Variants in SYT16 observed in about 807,000 individuals in gnomAD.
The protein encoded by SYT16 is synaptotagmin-16.
A neutral mutation model predicts 61.4 loss-of-function variants in SYT16; 42 were observed. The observed-to-expected ratio is 0.68, with a 90% CI of 0.53 to 0.89. SYT16 has a LOEUF of 0.89. SYT16 is among the 40% of genes least tolerant of loss of function. The pLI is 0.00. For missense variants in SYT16, 804 were observed against 807.3 expected (o/e 1.00, Z 0.05); for synonymous variants, 314 against 302.3 (o/e 1.04, Z -0.40).
chr14:61,908,036 A>C (rs756119726), intron 1 of SYT16, among the ~76,000 whole-genome samples: 5 of 152,242 alleles, frequency 3.3e-5, no homozygotes, highest in Non-Finnish European at 7.3e-5. Flanking sequence ...CCTGTTGATC[A>C]TTTAATACTA....
At chr14:61,831,726 CT>C (rs372648820) in intron 1 of SYT16, 2,523 of 157,818 alleles carry the variant, frequency 0.016, 30 homozygotes, top group African/African-American at 0.043. Flanking sequence ...TTCAGTAGTT[CT>C]TTTTTTTTTT....
intron 1 of SYT16, among the ~76,000 whole-genome samples, chr14:61,936,957 CA>C (rs1292564200): frequency 5.3e-5 from 8 of 152,212 alleles, no homozygotes; most frequent in Non-Finnish European, 1.2e-4. Flanking sequence ...AAATTGTTCT[CA>C]TTGGTGAATT....
At chr14:61,961,420 C>G (rs773709787) in intron 1 of SYT16, among the ~76,000 whole-genome samples, 1 of 152,024 alleles carries the variant, frequency 6.6e-6, no homozygotes, top group Non-Finnish European at 1.5e-5. Context: ...AAAAAACTTA[C>G]AAGCAAAAAT....
intron 1 of SYT16, among the ~76,000 whole-genome samples, chr14:61,848,659 G>A (rs369234996): frequency 6.6e-6 from 1 of 152,120 alleles, no homozygotes; most frequent in African/African-American, 2.4e-5. Flanking sequence ...CTTCTCTTCA[G>A]TGCGCTGAGT....
chr14:61,869,222 A>G (rs773679813), intron 1 of SYT16, among the ~76,000 whole-genome samples: 39 of 151,864 alleles, frequency 2.6e-4, no homozygotes, highest in Non-Finnish European at 5.4e-4. Flanking sequence ...CCTTTTATCC[A>G]ATTTTATAGT....
intron 1 of SYT16, among the ~76,000 whole-genome samples, chr14:61,868,554 C>A (rs2047232195): frequency 6.6e-6 from 1 of 151,766 alleles, no homozygotes; most frequent in African/African-American, 2.4e-5. Flanking sequence ...CTTTTGACTT[C>A]TTTTAATCAT....
intron 1 of SYT16, among the ~76,000 whole-genome samples, chr14:61,892,347 A>C (rs1249629763): frequency 1.3e-5 from 2 of 151,210 alleles, no homozygotes; most frequent in South Asian, 4.2e-4. Flanking sequence ...CCTCTCCTTC[A>C]CACCTCATGC....
intron 3 of SYT16, among the ~76,000 whole-genome samples, chr14:62,043,118 A>G (rs936539293): frequency 1.4e-5 from 2 of 143,818 alleles, no homozygotes; most frequent in Non-Finnish European, 3.0e-5. Context: ...TTTTTTTTAC[A>G]TAGAAAGTTC....
chr14:62,063,476 G>A, intron 3 of SYT16, among the ~76,000 whole-genome samples: 1 of 152,172 alleles, frequency 6.6e-6, no homozygotes, highest in African/African-American at 2.4e-5. Flanking sequence ...ATATCAAAAT[G>A]AGGACACTGA....
chr14:61,820,754 C>T (rs1825635632), intron 1 of SYT16, among the ~76,000 whole-genome samples: 1 of 152,044 alleles, frequency 6.6e-6, no homozygotes, highest in Non-Finnish European at 1.5e-5. Context: ...GTTGAATGCC[C>T]TCCTGGCTCT....
At chr14:61,872,984 T>TG (rs2047377321) in intron 1 of SYT16, among the ~76,000 whole-genome samples, 6 of 152,246 alleles carry the variant, frequency 3.9e-5, no homozygotes, top group Admixed American at 3.9e-4. Context: ...ATTAAAACGT[T>TG]GTATTCATAG....
chr14:61,888,868 G>A (rs1348757833), intron 1 of SYT16, among the ~76,000 whole-genome samples: 1 of 151,708 alleles, frequency 6.6e-6, no homozygotes, highest in Non-Finnish European at 1.5e-5. Flanking sequence ...ACAATGATGA[G>A]GATAAAACTA....
intron 1 of SYT16, among the ~76,000 whole-genome samples, chr14:61,921,759 C>T (rs1477043518): frequency 6.6e-6 from 1 of 152,164 alleles, no homozygotes; most frequent in Non-Finnish European, 1.5e-5. Context: ...ATGGAGAACC[C>T]AGCAAGAGAG....
At chr14:61,840,989 T>C (rs1171271286) in intron 1 of SYT16, among the ~76,000 whole-genome samples, 1 of 151,980 alleles carries the variant, frequency 6.6e-6, no homozygotes, top group Non-Finnish European at 1.5e-5. Context: ...GTCACCCAAG[T>C]GAGGGGAAGG....
rs1220435105 is a variant in SYT16, at chr14:62,040,145, C to T, written c.524-29458C>T. Reference sequence around the variant, plus strand: ...CACCACAGCTGCAGGAATGGGGAAGCTTGCTCATAATATTTCCAGCAAAGT... The same window carrying T: ...CACCACAGCTGCAGGAATGGGGAAGTTTGCTCATAATATTTCCAGCAAAGT... On this transcript the variant is annotated intron_variant, in intron 3 of 7. Transcript: ENST00000683842. 2.0e-5 allele frequency among the ~76,000 whole-genome samples: 3 copies of T among 152,122 alleles called. No individual in the cohort carries two copies. In the East Asian group the frequency reaches 5.8e-4, roughly 29 times the overall value.
intron 1 of SYT16, among the ~76,000 whole-genome samples, chr14:61,936,447 G>A (rs907200508): frequency 1.3e-5 from 2 of 151,970 alleles, no homozygotes; most frequent in Non-Finnish European, 2.9e-5. Flanking sequence ...GGAAGTGACT[G>A]ACTCCCAGTG....
At chr14:61,856,257 C>T (rs541603567) in intron 1 of SYT16, among the ~76,000 whole-genome samples, 1 of 152,288 alleles carries the variant, frequency 6.6e-6, no homozygotes, top group Non-Finnish European at 1.5e-5. Flanking sequence ...ATTGCTCTGG[C>T]TGCTGCTTTG....
Position 61,854,854 on chromosome 14 carries a change from T to C in SYT16, c.-325+42044T>C, listed in dbSNP as rs890626026. Among the ~76,000 whole-genome samples the C allele has an allele frequency of 5.3e-5, 8 of 150,288 alleles. No individual in the cohort carries two copies. The East Asian group carries it at 7.7e-4, about 15-fold the overall frequency. ...AACTGTTGCTTATTCTTTTTTTTTT[T>C]CCCACTAGCTTAGCCCATGGCATGC... is the stretch of plus-strand genomic sequence containing the variant. On this transcript the variant is annotated intron_variant, in intron 1 of 7. Transcript: ENST00000683842.
Position 62,088,599 on chromosome 14 carries a change from A to C in SYT16, c.1624+4214A>C, listed in dbSNP as rs532138974. Among the ~76,000 whole-genome samples the C allele has an allele frequency of 1.2e-4, 19 of 152,350 alleles. 1 individual carries two copies. Among genetic ancestry groups the C allele is most frequent in the Admixed American group, 1.2e-3 (19 of 15,302 alleles). ...TGGTGAATGGCACTGAGCTTTGTAC[A>C]TTTCACTTTAGGTAAATTTTACCTT... On this transcript the variant is annotated intron_variant, in intron 7 of 7. Transcript: ENST00000683842.
Sources: allele counts gnomAD v4.1 joint callset (sites outside exome capture counted in the v4.1 genomes callset), GRCh38; gene constraint gnomAD v4.1.1; transcripts MANE v1.5; gene names NCBI Gene and HGNC (gene_info 2026-07-23, HGNC 2026-07-21).